The following PRKN variants were observed in gnomAD, a reference collection of about 807,000 sequenced individuals.
The protein encoded by PRKN is E3 ubiquitin-protein ligase parkin.
In PRKN, 56 loss-of-function variants were observed where a neutral mutation model predicts 59.5. That is an observed-to-expected ratio of 0.94 (90% CI 0.76 to 1.18). PRKN has a LOEUF of 1.18. PRKN is among the 50% of genes most tolerant of loss of function. The pLI is 0.00. For missense variants in PRKN, 657 were observed against 596.4 expected, an observed-to-expected ratio of 1.10 and a Z score of -1.06; for synonymous variants, 250 against 222.1, an observed-to-expected ratio of 1.13 and a Z score of -1.12.
rs1245978084 is a variant in PRKN, at chr6:161,409,121, C to CT, written c.1084-22245dup. On this transcript the variant is annotated intron_variant, in intron 9 of 11. Coordinates refer to ENST00000366898, the MANE Select transcript of PRKN (RefSeq NM_004562.3). The surrounding 1 kb of genome is among the most constrained non-coding windows in gnomAD (Gnocchi z 4.6). ...TCACCATGCCCAGCTAATTTTTGTA[C>CT]TTTTAGTAGAGATGGGGTTTCACCA... is the stretch of plus-strand genomic sequence containing the variant. 6.6e-6 allele frequency among the ~76,000 whole-genome samples: 1 copy of CT among 151,956 alleles called. No homozygotes were observed. Among genetic ancestry groups the CT allele is most frequent in the Non-Finnish European group, 1.5e-5 (1 of 67,990 alleles).
At chr6:162,545,724 G>T (rs1779091886) in intron 1 of PRKN, among the ~76,000 whole-genome samples, 1 of 152,078 alleles carries the variant, frequency 6.6e-6, no homozygotes, top group South Asian at 2.1e-4. Flanking sequence ...ATTAATCACA[G>T]ATTATATCAC....
chr6:162,378,902 A>G (rs1786274848), intron 2 of PRKN, among the ~76,000 whole-genome samples: 1 of 152,206 alleles, frequency 6.6e-6, no homozygotes, highest in Non-Finnish European at 1.5e-5. Flanking sequence ...CTGTCTCTGC[A>G]GAGCCACAGG....
At chr6:161,570,603 C>T (rs1339906712) in intron 7 of PRKN, among the ~76,000 whole-genome samples, 1 of 151,764 alleles carries the variant, frequency 6.6e-6, no homozygotes, top group African/African-American at 2.4e-5. Context: ...TTTTCTCTTC[C>T]TGATGATTTT....
intron 5 of PRKN, among the ~76,000 whole-genome samples, chr6:162,034,186 T>TAGAGAGAGAGAG (rs71643580): frequency 3.2e-4 from 43 of 133,294 alleles, no homozygotes; most frequent in Non-Finnish European, 4.1e-4. Flanking sequence ...TATATATATA[T>TAGAGAGAGAGAG]AGAGAGAGAG....
intron 6 of PRKN, among the ~76,000 whole-genome samples, chr6:161,934,681 T>A (rs576199357): frequency 5.9e-5 from 9 of 152,338 alleles, no homozygotes; most frequent in African/African-American, 2.2e-4. Flanking sequence ...ATTGTCTTTA[T>A]CCTCTATGTT....
At chr6:162,522,066 TTGAG>T (rs751148465) in intron 1 of PRKN, among the ~76,000 whole-genome samples, 5 of 152,216 alleles carry the variant, frequency 3.3e-5, no homozygotes, top group Admixed American at 2.0e-4. Context: ...ATAGTTTTCT[TTGAG>T]TAAGAATTAT....
intron 9 of PRKN, among the ~76,000 whole-genome samples, chr6:161,403,003 G>A (rs910666080): frequency 1.3e-5 from 2 of 152,084 alleles, no homozygotes; most frequent in Non-Finnish European, 2.9e-5. Context: ...GGCCCTCCCC[G>A]AATTTGCTGT....
chr6:161,942,732 C>T (rs976373816), intron 6 of PRKN, among the ~76,000 whole-genome samples: 1 of 151,996 alleles, frequency 6.6e-6, no homozygotes, highest in African/African-American at 2.4e-5. Context: ...TGGGAGAAGA[C>T]TGTTCATATC....
chr6:161,868,304 C>T (rs993619383), intron 6 of PRKN, among the ~76,000 whole-genome samples: 3 of 149,706 alleles, frequency 2.0e-5, no homozygotes, highest in African/African-American at 5.1e-5. Flanking sequence ...TTGGGCCCGG[C>T]GCAGTGGCTC....
intron 1 of PRKN, among the ~76,000 whole-genome samples, chr6:162,479,592 G>A (rs370993180): frequency 2.0e-5 from 3 of 151,964 alleles, no homozygotes; most frequent in Non-Finnish European, 2.9e-5. Flanking sequence ...GCTTAGAGAG[G>A]GTCAAGATCA....
At chr6:162,099,071 T>C (rs546890013) in intron 4 of PRKN, among the ~76,000 whole-genome samples, 1 of 152,344 alleles carries the variant, frequency 6.6e-6, no homozygotes, top group South Asian at 2.1e-4. Flanking sequence ...TACATATACA[T>C]ACTTGTTTTA....
rs76050952 is a variant in PRKN at position 162,536,405 on chromosome 6, C to T, written c.8-92932G>A. Among the ~76,000 whole-genome samples the T allele has an allele frequency of 1.1e-4, 16 of 152,278 alleles. No individual in the cohort carries two copies. In the East Asian group the frequency reaches 2.3e-3, roughly 22 times the overall value. ...TATAATCTTCTACTCACAATGTTTC[C>T]AGTTCCTTTGGGTACCTGGTGTCAT... On this transcript the variant is annotated intron_variant, in intron 1 of 11. Transcript: ENST00000366898.
chr6:162,164,210 G>A (rs1782881677), intron 4 of PRKN, among the ~76,000 whole-genome samples: 1 of 148,912 alleles, frequency 6.7e-6, no homozygotes, highest in South Asian at 2.1e-4. Context: ...GTTTTGAGTG[G>A]TCAACCTGTG....
At chr6:162,349,521 C>G (rs1406822952) in intron 2 of PRKN, among the ~76,000 whole-genome samples, 8 of 152,072 alleles carry the variant, frequency 5.3e-5, no homozygotes, top group African/African-American at 1.2e-4. Flanking sequence ...CTCAATGAAG[C>G]CACCACTGCC....
intron 2 of PRKN, among the ~76,000 whole-genome samples, chr6:162,329,347 GCA>G (rs1783470365): frequency 6.6e-6 from 1 of 152,082 alleles, no homozygotes; most frequent in South Asian, 2.1e-4. Flanking sequence ...GGGCATATAC[GCA>G]CAGAGAGCCT....
intron 7 of PRKN, among the ~76,000 whole-genome samples, chr6:161,647,087 C>T (rs1783984600): frequency 6.6e-6 from 1 of 152,082 alleles, no homozygotes; most frequent in Admixed American, 6.5e-5. Flanking sequence ...TAATATGGTG[C>T]AGGGGAAATT....
At chr6:161,929,144 G>C (rs1352379458) in intron 6 of PRKN, among the ~76,000 whole-genome samples, 1 of 152,044 alleles carries the variant, frequency 6.6e-6, no homozygotes, top group East Asian at 1.9e-4. Flanking sequence ...GCCATAAAAA[G>C]TAATAAAGGA....
intron 2 of PRKN, among the ~76,000 whole-genome samples, chr6:162,392,357 T>C (rs562431631): frequency 6.6e-6 from 1 of 152,144 alleles, no homozygotes; most frequent in Non-Finnish European, 1.5e-5. Context: ...CTAACTTTTA[T>C]GTTCATCCCA....
chr6:161,411,984 A>C (rs1458168438), intron 9 of PRKN, among the ~76,000 whole-genome samples: 1 of 136,520 alleles, frequency 7.3e-6, no homozygotes, highest in Non-Finnish European at 1.5e-5. Flanking sequence ...TTCCTTCCTC[A>C]TTCATTCCTT....
Sources: allele counts gnomAD v4.1 joint callset (sites outside exome capture counted in the v4.1 genomes callset), GRCh38; gene constraint gnomAD v4.1.1; non-coding constraint Gnocchi (gnomAD v3.1); transcripts MANE v1.5; gene names NCBI Gene and HGNC (gene_info 2026-07-23, HGNC 2026-07-21).